Variants in PDZD2 observed in about 807,000 individuals in gnomAD.
The protein encoded by PDZD2 is PDZ domain containing 2.
A neutral mutation model predicts 220.7 loss-of-function variants in PDZD2; 90 were observed. The observed-to-expected ratio is 0.41, with a 90% CI of 0.34 to 0.49. The LOEUF is 0.49. Ranked by LOEUF, PDZD2 falls within the 20% of genes least tolerant of loss-of-function variation. PDZD2 has a pLI of 0.28. For synonymous variants in PDZD2, 1,375 were observed against 1,450.5 expected (o/e 0.95, Z 1.18); for missense variants, 3,174 against 3,608.5 (o/e 0.88, Z 3.08).
chr5:31,783,247 C>T (rs930869406), intron 1 of PDZD2, among the ~76,000 whole-genome samples: 6 of 152,100 alleles, frequency 3.9e-5, no homozygotes, highest in South Asian at 2.1e-4. Flanking sequence ...GAAGCATGCA[C>T]GCGTCTTTCT....
intron 2 of PDZD2, among the ~76,000 whole-genome samples, chr5:31,890,135 A>ATTTTTT (rs59916833): frequency 0.19 from 18,508 of 97,358 alleles, 1,779 homozygotes; most frequent in Non-Finnish European, 0.25. Context: ...CTTTTTTGTG[A>ATTTTTT]TTTTTTTTTT....
chr5:32,101,433 T>C (rs1054826471), intron 24 of PDZD2, among the ~76,000 whole-genome samples, 194 bp downstream of exon 24: 1 of 152,208 alleles, frequency 6.6e-6, no homozygotes, highest in Non-Finnish European at 1.5e-5. Context: ...TGGGTGGGTG[T>C]CATCATTATC....
chr5:31,940,286 C>T (rs1746104176), intron 2 of PDZD2, among the ~76,000 whole-genome samples: 1 of 152,212 alleles, frequency 6.6e-6, no homozygotes, highest in Non-Finnish European at 1.5e-5. Context: ...GTTGTCTTTG[C>T]TGTCCCTTGT....
rs113883790 is a variant in PDZD2, at chr5:31,858,277, T to TAA, written c.476+58557_476+58558dup. Among the ~76,000 whole-genome samples the TAA allele has an allele frequency of 3.2e-3, 477 of 150,756 alleles. 1 individual carries two copies. The highest frequency in any genetic ancestry group is 9.7e-3 in the African/African-American group (398 of 41,112). ...CGTGCCCAGCCAGTTTCCTAGAGTT[T>TAA]AAAAACAAAAAAATTCCTTCCTTCT... On this transcript the variant is annotated intron_variant, in intron 2 of 24. Transcript: ENST00000438447.
chr5:31,808,498 C>T (rs1285414210), intron 2 of PDZD2, among the ~76,000 whole-genome samples: 1 of 152,116 alleles, frequency 6.6e-6, no homozygotes, highest in Non-Finnish European at 1.5e-5. Flanking sequence ...TGTTTCACTC[C>T]AGGACTTGGT....
intron 1 of PDZD2, among the ~76,000 whole-genome samples, chr5:31,752,358 G>A (rs1460272047): frequency 6.6e-6 from 1 of 151,986 alleles, no homozygotes; most frequent in African/African-American, 2.4e-5. Flanking sequence ...AGACCAGGCT[G>A]GCCAACATGG....
chr5:31,706,695 T>C (rs750463071), intron 1 of PDZD2, among the ~76,000 whole-genome samples: 8 of 151,874 alleles, frequency 5.3e-5, no homozygotes, highest in Non-Finnish European at 7.4e-5. Flanking sequence ...AATACAAAAA[T>C]TAGCTGGGTG....
intron 2 of PDZD2, among the ~76,000 whole-genome samples, chr5:31,810,197 C>A (rs954215825): frequency 2.6e-5 from 4 of 151,678 alleles, no homozygotes; most frequent in African/African-American, 9.7e-5. Context: ...ACGTTATGAA[C>A]ATTTTTATTC....
chr5:31,857,130 C>T (rs717165), intron 2 of PDZD2, among the ~76,000 whole-genome samples: 6,401 of 152,086 alleles, frequency 0.042, 157 homozygotes, highest in Non-Finnish European at 0.054. Flanking sequence ...GGATCATAGG[C>T]GTGAGTCACC....
intron 1 of PDZD2, among the ~76,000 whole-genome samples, chr5:31,762,957 C>G (rs1490941906): frequency 6.6e-6 from 1 of 152,160 alleles, no homozygotes; most frequent in Admixed American, 6.5e-5. Context: ...CACACACTTC[C>G]CCTCAGCAAT....
rs551472272 is a variant in PDZD2 at position 31,671,262 on chromosome 5, A to G, written c.-361+31825A>G. Among the ~76,000 whole-genome samples, 264 of 152,328 alleles carry G rather than the reference A, an allele frequency of 1.7e-3. 1 individual carries two copies. The highest frequency in any genetic ancestry group is 6.2e-3 in the African/African-American group (256 of 41,584). On this transcript the variant is annotated intron_variant, in intron 1 of 24. Transcript: ENST00000438447. Reference sequence around the variant, plus strand: ...AAGAGATGATGATTTCATCAGGGGCATTAAGGAGGGCTTTCCAGAGGAGGT... The same window carrying G: ...AAGAGATGATGATTTCATCAGGGGCGTTAAGGAGGGCTTTCCAGAGGAGGT...
At position 32,069,799 on chromosome 5, in the gene PDZD2, G is replaced by T. The variant is rs1011536412; in HGVS notation, c.2533+149G>T. ...TCAAAGACAGTCTATGCTTTCTCTT[G>T]GCTGTTAGTTTTGATTTCTGCAGTT... On this transcript the variant is annotated intron_variant, in intron 15 of 24. Coordinates refer to ENST00000438447, the MANE Select transcript of PDZD2 (RefSeq NM_178140.4). 2.2e-5 allele frequency: 13 copies of T among 595,510 alleles called. No individual in the cohort carries two copies. In the African/African-American group the frequency reaches 2.3e-4, roughly 10 times the overall value. 36.9% of individuals were successfully genotyped at this position (595,510 alleles called of 1,614,324 possible).
intron 2 of PDZD2, among the ~76,000 whole-genome samples, chr5:31,835,601 T>A (rs7718973): frequency 0.77 from 116,446 of 150,534 alleles, 46,152 homozygotes; most frequent in Non-Finnish European, 0.86. Flanking sequence ...TGGGCAACAA[T>A]AGTGACACTC....
At chr5:32,076,288 G>GAAAAAAAAAAAAAAAAAAAAAAAAAA (rs67898034) in intron 18 of PDZD2, among the ~76,000 whole-genome samples, 1 of 87,934 alleles carries the variant, frequency 1.1e-5, no homozygotes, top group Non-Finnish European at 2.3e-5. Flanking sequence ...TCGGTCTCAA[G>GAAAAAAAAAAAAAAAAAAAAAAAAAA]AAAAAAAAAA....
At chr5:31,993,969 A>G (rs1014567757) in intron 3 of PDZD2, among the ~76,000 whole-genome samples, 2 of 152,318 alleles carry the variant, frequency 1.3e-5, no homozygotes, top group Admixed American at 1.3e-4. Context: ...ATCAGCAATC[A>G]GATGGCTTAG....
At chr5:31,840,991 A>G in intron 2 of PDZD2, 1 of 399,926 alleles carries the variant, frequency 2.5e-6, no homozygotes, top group South Asian at 6.3e-5. Flanking sequence ...TTACTGGAGG[A>G]TGGCGGTTCC....
At chr5:31,974,973 G>T (rs189396959) in intron 2 of PDZD2, among the ~76,000 whole-genome samples, 1 of 151,994 alleles carries the variant, frequency 6.6e-6, no homozygotes, top group African/African-American at 2.4e-5. Context: ...TGAATTGGGC[G>T]TGAATGACTA....
rs760123357 is a variant in PDZD2, at chr5:31,639,945, AG to A, written c.-361+513del. Among the ~76,000 whole-genome samples the A allele has an allele frequency of 6.6e-6, 1 of 152,026 alleles. No homozygotes were observed. Among genetic ancestry groups the A allele is most frequent in the Non-Finnish European group, 1.5e-5 (1 of 67,980 alleles). ...CGTTAGACGCGGGGCGAGGGAATGC[AG>A]GGGGCGCGCAAAGATCAAGGGCATC... On this transcript the variant is annotated intron_variant, in intron 1 of 24. Transcript: ENST00000438447. This position sits in a 1 kb window ranked among gnomAD's most constrained non-coding sequence, Gnocchi z 4.1.
intron 1 of PDZD2, among the ~76,000 whole-genome samples, chr5:31,672,191 T>TC (rs1237754224): frequency 6.6e-6 from 1 of 152,172 alleles, no homozygotes; most frequent in Non-Finnish European, 1.5e-5. Context: ...GAATACTGCT[T>TC]CTCAGACTTG....
Sources: allele counts gnomAD v4.1 joint callset (sites outside exome capture counted in the v4.1 genomes callset), GRCh38; gene constraint gnomAD v4.1.1; non-coding constraint Gnocchi (gnomAD v3.1); transcripts MANE v1.5; gene names NCBI Gene and HGNC (gene_info 2026-07-23, HGNC 2026-07-21).